Variants in TMEM170B observed in about 807,000 individuals in gnomAD.
The protein encoded by TMEM170B is transmembrane protein 170B.
In TMEM170B, 6 loss-of-function variants were observed where a neutral mutation model predicts 13.0. The observed-to-expected ratio is 0.46, with a 90% CI of 0.25 to 0.91. TMEM170B has a LOEUF of 0.91. TMEM170B is among the 40% of genes least tolerant of loss of function. The pLI is 0.17. For missense variants in TMEM170B, 138 were observed against 165.2 expected (o/e 0.84, Z 0.90); for synonymous variants, 61 against 64.9 (o/e 0.94, Z 0.29).
At chr6:11,556,317 C>T (rs1048467096) in intron 1 of TMEM170B, among the ~76,000 whole-genome samples, 7 of 152,166 alleles carry the variant, frequency 4.6e-5, no homozygotes, top group African/African-American at 1.7e-4. Context: ...GTGCACTGCA[C>T]GCTTCACATT....
At chr6:11,550,174 A>ATTT (rs35963481) in intron 1 of TMEM170B, among the ~76,000 whole-genome samples, 2 of 139,964 alleles carry the variant, frequency 1.4e-5, no homozygotes, top group Non-Finnish European at 3.1e-5. Flanking sequence ...GGCTTATATA[A>ATTT]TTTTTTTTTT....
chr6:11,546,772 A>G (rs1759446946), intron 1 of TMEM170B, among the ~76,000 whole-genome samples: 4 of 152,212 alleles, frequency 2.6e-5, no homozygotes, highest in Admixed American at 2.6e-4. Flanking sequence ...GTTAGCTTAT[A>G]CCATCTAGGT....
intron 1 of TMEM170B, among the ~76,000 whole-genome samples, chr6:11,563,251 G>A (rs1187109302): frequency 6.6e-6 from 1 of 151,848 alleles, no homozygotes; most frequent in Non-Finnish European, 1.5e-5. Context: ...CAGGAGAATC[G>A]CTTGAACCTG....
intron 1 of TMEM170B, among the ~76,000 whole-genome samples, chr6:11,548,728 G>T (rs1296164098): frequency 6.6e-6 from 1 of 152,150 alleles, no homozygotes; most frequent in Non-Finnish European, 1.5e-5. Context: ...ATACACCATG[G>T]AATACTATGC....
In TMEM170B at chr6:11,582,060, A is replaced by G. The variant is rs570201654; in HGVS notation, c.*6499A>G. On this transcript the variant is annotated 3_prime_UTR_variant, in exon 3 of 3. Coordinates refer to ENST00000379426, the MANE Select transcript of TMEM170B (RefSeq NM_001100829.3). Reference sequence around the variant, plus strand: ...GATGAACAAATAGGAAATTCACGGTATTTTTTGTTTTAGCCATCCAAAATT... The same window carrying G: ...GATGAACAAATAGGAAATTCACGGTGTTTTTTGTTTTAGCCATCCAAAATT... 6.6e-6 allele frequency: 1 copy of G among 152,300 alleles called. No individual in the cohort carries two copies. Among genetic ancestry groups the G allele is most frequent in the Admixed American group, 6.5e-5 (1 of 15,300 alleles). The allele number at this position is 152,300 out of a possible 1,614,324, so 9.4% of individuals were successfully genotyped here.
intron 2 of TMEM170B, among the ~76,000 whole-genome samples, chr6:11,574,781 C>T (rs1215459022): frequency 6.6e-6 from 1 of 152,048 alleles, no homozygotes; most frequent in Non-Finnish European, 1.5e-5. Context: ...TGTACATTAC[C>T]TAAGGAACCT....
intron 2 of TMEM170B, among the ~76,000 whole-genome samples, chr6:11,566,056 T>C (rs1759729610): frequency 6.6e-6 from 1 of 152,316 alleles, no homozygotes; most frequent in East Asian, 1.9e-4. Flanking sequence ...TACAAGGTTT[T>C]GAGGGAAATA....
intron 1 of TMEM170B, among the ~76,000 whole-genome samples, chr6:11,542,016 AAAT>A (rs59799542): frequency 0.49 from 74,059 of 151,548 alleles, 19,013 homozygotes; most frequent in Admixed American, 0.62. Flanking sequence ...TACAATAATA[AAAT>A]AATAATAAGA....
chr6:11,548,337 G>A (rs756540413), intron 1 of TMEM170B, among the ~76,000 whole-genome samples: 3 of 152,060 alleles, frequency 2.0e-5, no homozygotes, highest in Admixed American at 6.6e-5. Context: ...GCTCATCATC[G>A]CTGGCCATCA....
chr6:11,539,167 G>A (rs527756250), intron 1 of TMEM170B, among the ~76,000 whole-genome samples: 1 of 152,194 alleles, frequency 6.6e-6, no homozygotes, highest in South Asian at 2.1e-4. Flanking sequence ...AGAAACTTCT[G>A]GTTTTGTTAT....
intron 1 of TMEM170B, among the ~76,000 whole-genome samples, chr6:11,561,343 CTG>C (rs1324516749): frequency 6.6e-6 from 1 of 152,150 alleles, no homozygotes; most frequent in East Asian, 1.9e-4. Context: ...AGAGAGAAAA[CTG>C]TGAGCCTCTG....
At chr6:11,542,681 T>C (rs1291004203) in intron 1 of TMEM170B, among the ~76,000 whole-genome samples, 1 of 152,194 alleles carries the variant, frequency 6.6e-6, no homozygotes, top group African/African-American at 2.4e-5. Context: ...GTGATAATAT[T>C]CTGATGGGAT....
At chr6:11,550,415 C>T (rs950087033) in intron 1 of TMEM170B, among the ~76,000 whole-genome samples, 6 of 151,844 alleles carry the variant, frequency 4.0e-5, no homozygotes, top group Non-Finnish European at 8.8e-5. Context: ...TCAGGTGATC[C>T]ACCCGCCTCA....
chr6:11,579,322 G>A lies in TMEM170B; in HGVS notation c.*3761G>A, dbSNP rs578093689. The A allele has an allele frequency of 1.1e-4, 17 of 152,324 alleles. No homozygotes were observed. Among genetic ancestry groups the A allele is most frequent in the Admixed American group, 1.1e-3 (17 of 15,296 alleles). The allele number at this position is 152,324 out of a possible 1,614,324, so 9.4% of individuals were successfully genotyped here. A position where few individuals can be genotyped will look rare whatever the true frequency, so the allele number is the denominator to read the frequency against. On this transcript the variant is annotated 3_prime_UTR_variant, in exon 3 of 3. Transcript: ENST00000379426. ...AATCACTTAACTTCTCTGAGCCTCA[G>A]TTCATACTCCGTAAAATGTGACTAA...
intron 2 of TMEM170B, among the ~76,000 whole-genome samples, chr6:11,571,096 A>AC (rs549948593): frequency 2.2e-3 from 334 of 151,630 alleles, no homozygotes; most frequent in African/African-American, 7.5e-3. Context: ...TCTTGCCTTA[A>AC]CCTTGTTCTA....
At chr6:11,571,275 T>A (rs1231610838) in intron 2 of TMEM170B, among the ~76,000 whole-genome samples, 4 of 152,066 alleles carry the variant, frequency 2.6e-5, no homozygotes, top group Non-Finnish European at 5.9e-5. Context: ...ACCCTTGAAC[T>A]TCTGAGCTCC....
At chr6:11,558,135 C>T (rs1759614497) in intron 1 of TMEM170B, among the ~76,000 whole-genome samples, 2 of 152,142 alleles carry the variant, frequency 1.3e-5, no homozygotes, top group Admixed American at 1.3e-4. Flanking sequence ...TCCCACTTTT[C>T]CATATCTACC....
At chr6:11,573,347 AC>A (rs995837852) in intron 2 of TMEM170B, among the ~76,000 whole-genome samples, 2 of 152,170 alleles carry the variant, frequency 1.3e-5, no homozygotes, top group African/African-American at 2.4e-5. Flanking sequence ...TCATTCCAAC[AC>A]CATTTATTGA....
chr6:11,539,159 A>G (rs1386841105), intron 1 of TMEM170B, among the ~76,000 whole-genome samples: 1 of 152,226 alleles, frequency 6.6e-6, no homozygotes, highest in Non-Finnish European at 1.5e-5. Context: ...CTTTGTGAAG[A>G]AACTTCTGGT....
Sources: allele counts gnomAD v4.1 joint callset (sites outside exome capture counted in the v4.1 genomes callset), GRCh38; gene constraint gnomAD v4.1.1; transcripts MANE v1.5; gene names NCBI Gene and HGNC (gene_info 2026-07-23, HGNC 2026-07-21).